Variants in NUP153 observed in about 807,000 individuals in gnomAD.
The protein encoded by NUP153 is nuclear pore complex protein Nup153.
NUP153 carries 27 observed loss-of-function variants against 134.6 expected under a neutral mutation model. That is an observed-to-expected ratio of 0.20 (90% CI 0.15 to 0.28). The LOEUF (loss-of-function observed/expected upper bound fraction) is 0.28. NUP153 is among the 10% of genes least tolerant of loss of function. NUP153 has a pLI of 1.00. For synonymous variants in NUP153, 640 were observed against 623.5 expected, an observed-to-expected ratio of 1.03 and a Z score of -0.40; for missense variants, 1,821 against 1,731.3, an observed-to-expected ratio of 1.05 and a Z score of -0.92.
At chr6:17,622,906 G>A (rs1764718658) in intron 20 of NUP153, among the ~76,000 whole-genome samples, 1 of 152,068 alleles carries the variant, frequency 6.6e-6, no homozygotes, top group Admixed American at 6.5e-5. Flanking sequence ...CGAGGTGGGT[G>A]GATCATGAGG....
chr6:17,633,107 G>A (rs1042685106), intron 16 of NUP153, among the ~76,000 whole-genome samples: 8 of 151,288 alleles, frequency 5.3e-5, no homozygotes, highest in Non-Finnish European at 1.2e-4. Context: ...GCTCACTGGT[G>A]AGCTCCCCCT....
At chr6:17,685,006 G>A (rs1286111803) in intron 2 of NUP153, among the ~76,000 whole-genome samples, 3 of 152,174 alleles carry the variant, frequency 2.0e-5, no homozygotes, top group Non-Finnish European at 4.4e-5. Context: ...TTGAAATACT[G>A]CAAGAATTAC....
At position 17,625,704 on chromosome 6, in the gene NUP153, C is replaced by T; in HGVS notation, c.3901+104G>A. ...CTGGTATAGATGACCAAAAGGCATT[C>T]CCACCATTTTGTGATAACCTGCTAT... On this transcript the variant is annotated intron_variant, in intron 19 of 21. Coordinates refer to ENST00000262077, the MANE Select transcript of NUP153 (RefSeq NM_005124.4). The surrounding 1 kb of genome is among the most constrained non-coding windows in gnomAD (Gnocchi z 4.7). 1 of 863,860 alleles carries T rather than the reference C, an allele frequency of 1.2e-6. No homozygotes were observed. The highest frequency in any genetic ancestry group is 2.1e-5 in the Admixed American group (1 of 46,906). 53.5% of individuals were successfully genotyped at this position (863,860 alleles called of 1,614,324 possible). A position where few individuals can be genotyped will look rare whatever the true frequency, so the allele number is the denominator to read the frequency against.
chr6:17,646,828 C>G (rs1410787009), intron 13 of NUP153, among the ~76,000 whole-genome samples: 1 of 151,976 alleles, frequency 6.6e-6, no homozygotes, highest in East Asian at 1.9e-4. Flanking sequence ...CAACCTCTAC[C>G]TCCCAGGTTC....
At chr6:17,618,703 C>CT (rs1764473451) in intron 20 of NUP153, among the ~76,000 whole-genome samples, 1 of 151,944 alleles carries the variant, frequency 6.6e-6, no homozygotes, top group Non-Finnish European at 1.5e-5. Context: ...GTAGCTGGGA[C>CT]TACAGGCGCC....
intron 18 of NUP153, among the ~76,000 whole-genome samples, chr6:17,627,326 T>C (rs545413583): frequency 4.6e-5 from 7 of 152,384 alleles, no homozygotes; most frequent in African/African-American, 1.7e-4. Context: ...TAAGTAAATA[T>C]ATAACAGACA....
At chr6:17,618,976 A>G (rs1024030907) in intron 20 of NUP153, among the ~76,000 whole-genome samples, 1 of 152,232 alleles carries the variant, frequency 6.6e-6, no homozygotes, top group African/African-American at 2.4e-5. Flanking sequence ...CTTCAAATAA[A>G]TAATTCAGGA....
chr6:17,658,072 T>C (rs1383559411), intron 11 of NUP153, among the ~76,000 whole-genome samples: 1 of 152,242 alleles, frequency 6.6e-6, no homozygotes, highest in East Asian at 1.9e-4. Flanking sequence ...CCAGAACTGC[T>C]AATGAACATA....
chr6:17,666,044 C>T (rs905556191), intron 8 of NUP153, among the ~76,000 whole-genome samples: 75 of 150,878 alleles, frequency 5.0e-4, no homozygotes, highest in African/African-American at 1.8e-3. Flanking sequence ...AGGCTGATCT[C>T]AAACTTCTGG....
chr6:17,688,607 G>T lies in NUP153; in HGVS notation c.123C>A (p.Ser41Arg), dbSNP rs200150904. 6.2e-6 allele frequency: 10 copies of T among 1,610,572 alleles called. No homozygotes were observed. The highest frequency in any genetic ancestry group is 5.9e-6 in the Non-Finnish European group (7 of 1,177,228). Residue 41 changes from serine (S) to arginine (R), a missense_variant, in exon 2 of 22, where the codon AGC (serine) becomes AGA (arginine). Transcript: ENST00000262077. ...TATTCTTAACAGATTCTGTAACCCT[G>T]CTAAGAATGCCCTGTTGAGAGAAAA... ...QGRQQHQGIL[S>R]RVTESVKNIV...
In NUP153 at chr6:17,616,617, C is replaced by G; in HGVS notation, c.4253G>C (p.Gly1418Ala). 6.2e-7 allele frequency: 1 copy of G among 1,614,140 alleles called. No homozygotes were observed. The highest frequency in any genetic ancestry group is 8.5e-7 in the Non-Finnish European group (1 of 1,180,012). The change falls in exon 21 of 22, where the codon GGT (glycine) becomes GCT (alanine). Residue 1418 changes from glycine to alanine, a missense_variant. Physicochemically the swap from Gly to Ala is moderately conservative, Grantham distance 60. Coordinates refer to ENST00000262077, the MANE Select transcript of NUP153 (RefSeq NM_005124.4). ...GGCTGCAGGTGTGCTAGAATTTGCA[C>G]CAAATGTGAACACTCCTGATGGACT... ...NNSPSGVFTF[G>A]ANSSTPAASA...
At chr6:17,617,692 A>G (rs1378294397) in intron 20 of NUP153, among the ~76,000 whole-genome samples, 1 of 151,946 alleles carries the variant, frequency 6.6e-6, no homozygotes, top group Non-Finnish European at 1.5e-5. Context: ...AAAATTTTTC[A>G]AAATTAGCCA....
At chr6:17,682,447 G>A (rs891751767) in intron 2 of NUP153, among the ~76,000 whole-genome samples, 3 of 152,160 alleles carry the variant, frequency 2.0e-5, no homozygotes, top group Non-Finnish European at 2.9e-5. Flanking sequence ...TTTAACGAAA[G>A]ATTTCTCTGT....
rs1765554228 is a variant in NUP153, at chr6:17,636,425, G to C, written c.2464+728C>G. 2.0e-5 allele frequency among the ~76,000 whole-genome samples: 3 copies of C among 152,076 alleles called. No homozygotes were observed. In the East Asian group the frequency reaches 5.8e-4, roughly 29 times the overall value. ...TCAGAAATATGGCATGAGGGCTCAG[G>C]CAAAAGGTCTAGGTTAGTAACTCAG... On this transcript the variant is annotated intron_variant, in intron 16 of 21. Coordinates refer to ENST00000262077, the MANE Select transcript of NUP153 (RefSeq NM_005124.4).
chr6:17,615,947 C>G lies in NUP153; in HGVS notation c.*150G>C. 1.8e-6 allele frequency: 1 copy of G among 543,186 alleles called. No homozygotes were observed. The highest frequency in any genetic ancestry group is 2.9e-5 in the South Asian group (1 of 34,396). 33.6% of individuals were successfully genotyped at this position (543,186 alleles called of 1,614,324 possible). The stretch of plus-strand genomic sequence containing the variant: ...GGGTGGGTGAGGCAGGGTGGGGCTT[C>G]TGTAACGAAAGAGAAAGGAGGAAAA... On this transcript the variant is annotated 3_prime_UTR_variant, in exon 22 of 22. Coordinates refer to ENST00000262077, the MANE Select transcript of NUP153 (RefSeq NM_005124.4). The surrounding 1 kb of genome is among the most constrained non-coding windows in gnomAD (Gnocchi z 5.7).
intron 2 of NUP153, among the ~76,000 whole-genome samples, chr6:17,682,253 C>G (rs116024884): frequency 2.6e-5 from 4 of 152,102 alleles, no homozygotes; most frequent in African/African-American, 9.7e-5. Flanking sequence ...AAAAAAATTG[C>G]TAACAAATAA....
chr6:17,692,626 T>C (rs548088109), intron 1 of NUP153, among the ~76,000 whole-genome samples: 1 of 152,336 alleles, frequency 6.6e-6, no homozygotes, highest in African/African-American at 2.4e-5. Context: ...TACCCTAATA[T>C]ACCTTTGTAG....
intron 1 of NUP153, among the ~76,000 whole-genome samples, chr6:17,699,018 T>C (rs535664642): frequency 6.6e-6 from 1 of 152,168 alleles, no homozygotes; most frequent in South Asian, 2.1e-4. Flanking sequence ...AAGAAAAAGA[T>C]ATGCAAAATC....
intron 20 of NUP153, among the ~76,000 whole-genome samples, chr6:17,620,095 C>CCA (rs1764568496): frequency 4.8e-5 from 3 of 63,000 alleles, no homozygotes; most frequent in African/African-American, 2.3e-4. Context: ...AAGACACCAT[C>CCA]AAAAAAAAAA....
Sources: allele counts gnomAD v4.1 joint callset (sites outside exome capture counted in the v4.1 genomes callset), GRCh38; gene constraint gnomAD v4.1.1; non-coding constraint Gnocchi (gnomAD v3.1); transcripts MANE v1.5; gene names NCBI Gene and HGNC (gene_info 2026-07-23, HGNC 2026-07-21).